Variants in PAX7 observed in about 807,000 individuals in gnomAD.
PAX7 encodes paired box 7.
A neutral mutation model predicts 50.7 loss-of-function variants in PAX7; 18 were observed. The observed-to-expected ratio is 0.36, with a 90% CI of 0.25 to 0.53. The LOEUF is 0.53. Ranked by LOEUF, PAX7 falls within the 20% of genes least tolerant of loss-of-function variation. The pLI is 0.93. For missense variants in PAX7, 644 were observed against 702.9 expected (o/e 0.92, Z 0.95); for synonymous variants, 310 against 290.4 (o/e 1.07, Z -0.69).
rs116612467 is a variant in PAX7 at position 18,711,390 on chromosome 1, C to T, written c.1155+8094C>T. 4.3e-3 allele frequency among the ~76,000 whole-genome samples: 652 copies of T among 152,296 alleles called. 10 individuals are homozygous for T. The highest frequency in any genetic ancestry group is 0.037 in the South Asian group (180 of 4,824). ...ACACCCCCCTCACCTGTGCCCTGGC[C>T]TCCACCTCTGCCTCACTGCCATCCC... On this transcript the variant is annotated intron_variant, in intron 7 of 8. Transcript: ENST00000420770.
At chr1:18,736,075 C>A in intron 8 of PAX7, 197 bp downstream of exon 8, 1 of 973,758 alleles carries the variant, frequency 1.0e-6, no homozygotes, top group Non-Finnish European at 1.6e-6. Flanking sequence ...AGGACATCTC[C>A]TGGCTAAGCC....
At chr1:18,741,943 C>T (rs1931155108) in intron 8 of PAX7, among the ~76,000 whole-genome samples, 1 of 152,196 alleles carries the variant, frequency 6.6e-6, no homozygotes, top group African/African-American at 2.4e-5. Flanking sequence ...ACTGTGTGAT[C>T]TTTGAAGTGG....
chr1:18,723,536 G>T (rs2236814), intron 7 of PAX7, among the ~76,000 whole-genome samples: 18,146 of 152,268 alleles, frequency 0.12, 1,299 homozygotes, highest in East Asian at 0.29. Context: ...GCAGGAGGAG[G>T]ACCTGGGTCA....
At chr1:18,727,643 G>A (rs980330648) in intron 7 of PAX7, among the ~76,000 whole-genome samples, 4 of 152,196 alleles carry the variant, frequency 2.6e-5, no homozygotes, top group Admixed American at 2.6e-4. Flanking sequence ...GGCTTAAAGG[G>A]AAATACTTCA....
chr1:18,700,988 C>T lies in PAX7; in HGVS notation c.952+170C>T, dbSNP rs143970188. On this transcript the variant is annotated intron_variant, in intron 6 of 8. Coordinates refer to ENST00000420770, the MANE Select transcript of PAX7 (RefSeq NM_001135254.2). The surrounding 1 kb of genome is among the most constrained non-coding windows in gnomAD (Gnocchi z 4.8). The stretch of plus-strand genomic sequence containing the variant: ...GCCCTTGAAATTCTTGGCCCTGACA[C>T]AGAGCAGCCAGGTGGGATCCCCAAG... Among the ~76,000 whole-genome samples, 1,007 of 152,298 alleles carry T rather than the reference C, an allele frequency of 6.6e-3. 3 individuals are homozygous for T. The highest frequency in any genetic ancestry group is 7.0e-3 in the Non-Finnish European group (475 of 68,024).
At chr1:18,649,972 C>T (rs34064724) in intron 4 of PAX7, among the ~76,000 whole-genome samples, 3,511 of 152,290 alleles carry the variant, frequency 0.023, 59 homozygotes, top group Non-Finnish European at 0.036. Flanking sequence ...GATTCTCAGC[C>T]TCAGGGGCCA....
chr1:18,735,121 G>A lies in PAX7; in HGVS notation c.1156-511G>A, dbSNP rs2089693710. ...GGCAGGAACCTCAGAGTCCGGAGGA[G>A]TGGCAGGCAGAGCAAGCCACACACA... On this transcript the variant is annotated intron_variant, in intron 7 of 8. Transcript: ENST00000420770. This position sits in a 1 kb window ranked among gnomAD's most constrained non-coding sequence, Gnocchi z 4.0. Among the ~76,000 whole-genome samples the A allele has an allele frequency of 6.6e-6, 1 of 152,216 alleles. No homozygotes were observed. Among genetic ancestry groups the A allele is most frequent in the African/African-American group, 2.4e-5 (1 of 41,462 alleles).
rs1931399188 is a variant in PAX7, at chr1:18,745,525, G to A, written c.*596G>A. The A allele has an allele frequency of 4.3e-6, 1 of 231,524 alleles. No individual in the cohort carries two copies. Among genetic ancestry groups the A allele is most frequent in the Non-Finnish European group, 8.5e-6 (1 of 117,212 alleles). The allele number at this position is 231,524 out of a possible 1,614,324, so 14.3% of individuals were successfully genotyped here. ...GGGGGGCAGTCTCACCCCCACCCAG[G>A]AATTTGAAGGACTTCAGAACCCTCC... is the stretch of plus-strand genomic sequence containing the variant. On this transcript the variant is annotated 3_prime_UTR_variant, in exon 9 of 9. Coordinates refer to ENST00000420770, the MANE Select transcript of PAX7 (RefSeq NM_001135254.2).
intron 4 of PAX7, among the ~76,000 whole-genome samples, chr1:18,658,490 G>T (rs2088556217): frequency 6.6e-6 from 1 of 152,208 alleles, no homozygotes; most frequent in Non-Finnish European, 1.5e-5. Flanking sequence ...ATCAAGGTAG[G>T]TGTTATTGGC....
chr1:18,674,049 G>A, intron 4 of PAX7, among the ~76,000 whole-genome samples: 1 of 152,212 alleles, frequency 6.6e-6, no homozygotes. Context: ...CAATCACGTT[G>A]GCTTGAAGAG....
chr1:18,671,495 T>A (rs1272362230), intron 4 of PAX7, among the ~76,000 whole-genome samples: 1 of 152,042 alleles, frequency 6.6e-6, no homozygotes, highest in Non-Finnish European at 1.5e-5. Context: ...AGGTTGGGGC[T>A]GGGAGGCCCC....
intron 7 of PAX7, among the ~76,000 whole-genome samples, chr1:18,716,601 G>A (rs1426989657): frequency 1.4e-5 from 2 of 141,146 alleles, no homozygotes; most frequent in Non-Finnish European, 3.1e-5. Flanking sequence ...CGCCCCCTGT[G>A]CCACCACCCC....
At chr1:18,661,802 A>G (rs2088602981) in intron 4 of PAX7, among the ~76,000 whole-genome samples, 2 of 152,142 alleles carry the variant, frequency 1.3e-5, no homozygotes, top group African/African-American at 4.8e-5. Context: ...TTACCCAGGG[A>G]CAATGGAGCA....
At position 18,735,757 on chromosome 1, in the gene PAX7, C is replaced by T. The variant is rs201309145; in HGVS notation, c.1281C>T (p.Ala427=). The T allele has an allele frequency of 2.3e-5, 37 of 1,613,982 alleles. No individual in the cohort carries two copies. The highest frequency in any genetic ancestry group is 4.0e-5 in the African/African-American group (3 of 74,928). ...TCTCAGCCAGCTGCAGCCAGCGGGC[C>T]GACTCCATCAAGCCAGGAGACAGCC... ...TSISASCSQR[A]DSIKPGDSLP... is the part of the protein sequence containing the mutation. The change falls in exon 8 of 9, where the codon GCC becomes GCT. Residue 427 remains alanine (A), a synonymous_variant. Coordinates refer to ENST00000420770, the MANE Select transcript of PAX7 (RefSeq NM_001135254.2). The surrounding 1 kb of genome is among the most constrained non-coding windows in gnomAD (Gnocchi z 4.0).
At chr1:18,675,666 C>T (rs2088812932) in intron 4 of PAX7, among the ~76,000 whole-genome samples, 1 of 152,322 alleles carries the variant, frequency 6.6e-6, no homozygotes, top group South Asian at 2.1e-4. Context: ...AATGAGCCCC[C>T]GGCTGCTTTT....
chr1:18,743,003 G>A (rs1931229710), intron 8 of PAX7, among the ~76,000 whole-genome samples: 1 of 152,082 alleles, frequency 6.6e-6, no homozygotes, highest in Non-Finnish European at 1.5e-5. Flanking sequence ...GAGGTAACTG[G>A]GACTGCAGCC....
At chr1:18,659,099 G>A (rs1386440454) in intron 4 of PAX7, among the ~76,000 whole-genome samples, 1 of 152,032 alleles carries the variant, frequency 6.6e-6, no homozygotes, top group African/African-American at 2.4e-5. Context: ...TGTGTGACAT[G>A]TGTGTGTATG....
chr1:18,686,890 A>AT (rs1438211729), intron 4 of PAX7, among the ~76,000 whole-genome samples: 62 of 24,444 alleles, frequency 2.5e-3, no homozygotes, highest in Admixed American at 0.011. Flanking sequence ...TTATTTTATT[A>AT]TTATTATTAT....
At position 18,744,968 on chromosome 1, in the gene PAX7, C is replaced by A; in HGVS notation, c.*39C>A. On this transcript the variant is annotated 3_prime_UTR_variant, in exon 9 of 9. Coordinates refer to ENST00000420770, the MANE Select transcript of PAX7 (RefSeq NM_001135254.2). ...ACTTGCCCCAGCCCAATTCCCAGCCCAACCCTAACTGACCCCTGAGCTTCC... is the reference window on the plus strand; with the variant it reads ...ACTTGCCCCAGCCCAATTCCCAGCCAAACCCTAACTGACCCCTGAGCTTCC... The A allele has an allele frequency of 8.2e-7, 1 of 1,214,456 alleles. No homozygotes were observed. The highest frequency in any genetic ancestry group is 1.2e-6 in the Non-Finnish European group (1 of 841,216). 75.2% of individuals were successfully genotyped at this position (1,214,456 alleles called of 1,614,324 possible). A position where few individuals can be genotyped will look rare whatever the true frequency, so the allele number is the denominator to read the frequency against.
Sources: gnomAD v4.1 joint callset for allele counts (sites outside exome capture counted in the v4.1 genomes callset) on GRCh38, gnomAD v4.1.1 for gene constraint, Gnocchi (gnomAD v3.1) non-coding constraint, MANE v1.5 for transcripts, NCBI Gene and HGNC (gene_info 2026-07-23, HGNC 2026-07-21) for gene names.